Variants in SEPSECS observed in about 807,000 individuals in gnomAD.
The protein encoded by SEPSECS is Sep (O-phosphoserine) tRNA:Sec (selenocysteine) tRNA synthase.
A neutral mutation model predicts 52.1 loss-of-function variants in SEPSECS; 42 were observed. That is an observed-to-expected ratio of 0.81 (90% CI 0.63 to 1.04). SEPSECS has a LOEUF of 1.04. Among genes scored for constraint, SEPSECS ranks in the 50% least tolerant of loss-of-function variants. The pLI is 0.00. For synonymous variants in SEPSECS, 216 were observed against 211.4 expected (o/e 1.02, Z -0.19); for missense variants, 590 against 610.6 (o/e 0.97, Z 0.36).
chr4:25,144,924 A>C, intron 7 of SEPSECS, 59 bp from the exon 8 acceptor site: 1 of 1,598,458 alleles, frequency 6.3e-7, no homozygotes. Context: ...TTTGGAAATT[A>C]AGATTTACTA....
At chr4:25,151,839 C>A (rs577173457) in intron 6 of SEPSECS, 121 bp downstream of exon 6, 5 of 688,364 alleles carry the variant, frequency 7.3e-6, no homozygotes, top group African/African-American at 3.6e-5. Flanking sequence ...CCTAACACAA[C>A]CTGAAGCAGA....
At chr4:25,160,054 C>T in intron 1 of SEPSECS, 2 of 985,442 alleles carry the variant, frequency 2.0e-6, no homozygotes, top group Non-Finnish European at 2.4e-6. Context: ...CTCCTAACAA[C>T]ACCATTTGGC....
intron 8 of SEPSECS, among the ~76,000 whole-genome samples, chr4:25,142,345 C>T (rs1320207164): frequency 6.6e-6 from 1 of 152,148 alleles, no homozygotes; most frequent in Non-Finnish European, 1.5e-5. Context: ...GTTCCCACCA[C>T]CACCTCATCA....
At chr4:25,156,714 A>G (rs1433940688) in intron 3 of SEPSECS, 142 bp downstream of exon 3, 10 of 435,552 alleles carry the variant, frequency 2.3e-5, no homozygotes, top group African/African-American at 1.6e-4. Context: ...TCTCAAAAAA[A>G]AAAAAAAAAA....
intron 1 of SEPSECS, chr4:25,159,635 G>A (rs7676783): frequency 5.5e-6 from 2 of 364,678 alleles, no homozygotes; most frequent in Non-Finnish European, 1.1e-5. Flanking sequence ...AACCGGGTGT[G>A]GTGGCGGGCG....
chr4:25,156,949 C>G lies in SEPSECS; in HGVS notation c.295G>C (p.Gly99Arg), dbSNP rs764116710. ...TTTGGTTGCACAGCAGAAATATCAC[C>G]GGATCGTCCAATGCCATGAATGAAC... is the stretch of plus-strand genomic sequence containing the variant. The part of the protein sequence containing the change: ...YRFIHGIGRS[G>R]DISAVQPKAA... The change falls in exon 3 of 11, where the codon GGT becomes CGT. Residue 99 changes from glycine to arginine, a missense_variant. Physicochemically the swap from Gly to Arg is moderately radical, Grantham distance 125. Coordinates refer to ENST00000382103, the MANE Select transcript of SEPSECS (RefSeq NM_016955.4). The G allele has an allele frequency of 6.2e-7, 1 of 1,611,870 alleles. No homozygotes were observed. The highest frequency in any genetic ancestry group is 1.3e-5 in the African/African-American group (1 of 74,798).
intron 6 of SEPSECS, among the ~76,000 whole-genome samples, chr4:25,150,995 T>G (rs557368904): frequency 1.3e-5 from 2 of 151,580 alleles, no homozygotes; most frequent in Non-Finnish European, 2.9e-5. Flanking sequence ...CTCAAAAAAA[T>G]AAAAAACTAG....
At chr4:25,137,411 G>A (rs1008951848) in intron 8 of SEPSECS, among the ~76,000 whole-genome samples, 6 of 152,072 alleles carry the variant, frequency 3.9e-5, no homozygotes, top group African/African-American at 1.2e-4. Context: ...CAAAGGACAC[G>A]AACAGCCACT....
intron 8 of SEPSECS, among the ~76,000 whole-genome samples, chr4:25,129,205 A>T (rs1728511108): frequency 6.6e-6 from 1 of 152,326 alleles, no homozygotes; most frequent in East Asian, 1.9e-4. Flanking sequence ...GCTATTAATA[A>T]ATGTTACTGC....
In SEPSECS at chr4:25,158,975, G is replaced by T; in HGVS notation, c.247C>A (p.Leu83Met). The T allele has an allele frequency of 6.2e-7, 1 of 1,613,904 alleles. No homozygotes were observed. The stretch of plus-strand genomic sequence containing the variant: ...TACCTGTAATGACGACGAGCAACCA[G>T]TGCGGATGCCACTCTCCCTTCCCTT... The part of the protein sequence containing the change: ...GEREGRVASA[L>M]VARRHYRFIH... Residue 83 changes from leucine to methionine, a missense_variant, in exon 2 of 11, where the codon CTG becomes ATG. Physicochemically the swap from Leu to Met is conservative, Grantham distance 15. Transcript: ENST00000382103.
chr4:25,148,514 A>C (rs564561013), intron 6 of SEPSECS, among the ~76,000 whole-genome samples: 1 of 152,318 alleles, frequency 6.6e-6, no homozygotes, highest in African/African-American at 2.4e-5. Flanking sequence ...ACAAGACTCA[A>C]GTATTCATTT....
chr4:25,157,255 CT>C (rs1378622395), intron 2 of SEPSECS, among the ~76,000 whole-genome samples: 1 of 152,206 alleles, frequency 6.6e-6, no homozygotes, highest in Admixed American at 6.5e-5. Context: ...AGTCTACTTC[CT>C]CTCCACTTGA....
intron 8 of SEPSECS, among the ~76,000 whole-genome samples, chr4:25,130,979 TG>T (rs1728582975): frequency 6.6e-6 from 1 of 152,236 alleles, no homozygotes; most frequent in South Asian, 2.1e-4. Flanking sequence ...TGATTTTCCA[TG>T]TTCTCTGTGC....
intron 5 of SEPSECS, among the ~76,000 whole-genome samples, 179 bp from the exon 6 acceptor site, chr4:25,152,241 T>C (rs572968777): frequency 2.6e-5 from 4 of 152,092 alleles, no homozygotes; most frequent in African/African-American, 9.7e-5. Flanking sequence ...TGGAAATACA[T>C]AGCAAGCTCT....
chr4:25,120,401 CAGTG>C lies in SEPSECS; in HGVS notation c.*3526_*3529del, dbSNP rs1728072586. On this transcript the variant is annotated 3_prime_UTR_variant, in exon 11 of 11. Transcript: ENST00000382103. ...GTAAAAAGTAAGGCACAAAAGGATG[CAGTG>C]AGTGTTAGGTCTGTTTACTAAGATT... The C allele has an allele frequency of 6.6e-6, 1 of 152,250 alleles. No homozygotes were observed. Among genetic ancestry groups the C allele is most frequent in the South Asian group, 2.1e-4 (1 of 4,816 alleles). 9.4% of individuals were successfully genotyped at this position (152,250 alleles called of 1,614,324 possible).
chr4:25,159,423 C>T, intron 1 of SEPSECS: 1 of 349,168 alleles, frequency 2.9e-6, no homozygotes, highest in South Asian at 2.7e-5. Flanking sequence ...CAAACCAGGG[C>T]GTTACGACTG....
intron 5 of SEPSECS, 108 bp from the exon 6 acceptor site, chr4:25,152,170 G>T: frequency 1.5e-6 from 1 of 662,568 alleles, no homozygotes; most frequent in Non-Finnish European, 2.7e-6. Flanking sequence ...GTACACCAAA[G>T]GAAAAAAACG....
rs1474885725 is a variant in SEPSECS, at chr4:25,160,243, G to C, written c.114+13C>G. On this transcript the variant is annotated intron_variant, in intron 1 of 10. Transcript: ENST00000382103. ...GGTCGCGGCGGCTGGGGAGGGGACC[G>C]ACAGCTCGGTACCTTCTCCAGAAGC... The C allele has an allele frequency of 8.4e-6, 13 of 1,551,156 alleles. No individual in the cohort carries two copies. The highest frequency in any genetic ancestry group is 1.1e-5 in the Non-Finnish European group (13 of 1,146,618).
At chr4:25,146,534 T>C (rs548421552) in intron 6 of SEPSECS, among the ~76,000 whole-genome samples, 1 of 152,320 alleles carries the variant, frequency 6.6e-6, no homozygotes, top group East Asian at 1.9e-4. Context: ...CAGTCAGAGT[T>C]GCCTTTGTAT....
Sources: gnomAD v4.1 joint callset for allele counts (sites outside exome capture counted in the v4.1 genomes callset) on GRCh38, gnomAD v4.1.1 for gene constraint, MANE v1.5 for transcripts, NCBI Gene and HGNC (gene_info 2026-07-23, HGNC 2026-07-21) for gene names.